The following UNC13A variants were observed in gnomAD, a reference collection of about 807,000 sequenced individuals.
The protein encoded by UNC13A is unc-13 homolog A, also known as protein unc-13 homolog A.
A neutral mutation model predicts 219.7 loss-of-function variants in UNC13A; 61 were observed. That is an observed-to-expected ratio of 0.28 (90% CI 0.23 to 0.34). The LOEUF (loss-of-function observed/expected upper bound fraction) is 0.34. Among genes scored for constraint, UNC13A ranks in the 10% least tolerant of loss-of-function variants. The pLI is 1.00. For synonymous variants in UNC13A, 920 were observed against 884.6 expected (o/e 1.04, Z -0.71); for missense variants, 1,476 against 2,270.3 (o/e 0.65, Z 7.11).
chr19:17,638,183 G>A (rs1290599160), intron 25 of UNC13A, among the ~76,000 whole-genome samples: 1 of 151,790 alleles, frequency 6.6e-6, no homozygotes, highest in Non-Finnish European at 1.5e-5. Context: ...CTCATAATAG[G>A]CTATAAGCTC....
chr19:17,639,802 G>A, intron 23 of UNC13A, 38 bp downstream of exon 23: 1 of 1,609,864 alleles, frequency 6.2e-7, no homozygotes, highest in Non-Finnish European at 8.5e-7. Context: ...ACACACATGT[G>A]CGTGGGGTGA....
At chr19:17,608,285 T>C (rs1389287757) in intron 43 of UNC13A, among the ~76,000 whole-genome samples, 2 of 139,870 alleles carry the variant, frequency 1.4e-5, no homozygotes, top group African/African-American at 2.6e-5. Flanking sequence ...CTTTTATATA[T>C]AATATAATAT....
intron 6 of UNC13A, 119 bp downstream of exon 6, chr19:17,667,994 GAGTT>G (rs1432645620): frequency 2.0e-5 from 20 of 980,570 alleles, no homozygotes; most frequent in South Asian, 3.2e-5. Context: ...AGGTTACAAA[GAGTT>G]AGAAACAGAG....
In UNC13A at chr19:17,676,024, C is replaced by A. The variant is rs139884068; in HGVS notation, c.40G>T (p.Asp14Tyr). 1.3e-4 allele frequency: 200 copies of A among 1,551,546 alleles called. No individual in the cohort carries two copies. In the African/African-American group the frequency reaches 2.4e-3, roughly 19 times the overall value. Reference sequence around the variant, plus strand: ...AGAAGCCACTTACCTTGGGCACCATCAAACTTGGCTTTTTTGACTGTGGAG... The same window carrying A: ...AGAAGCCACTTACCTTGGGCACCATAAAACTTGGCTTTTTTGACTGTGGAG... ...LCVGVKKAKF[D>Y]GAQEKFNTYV... The change falls in exon 2 of 44, where the codon GAT (aspartate) becomes TAT (tyrosine). Residue 14 changes from aspartate (D) to tyrosine (Y), a missense_variant. By Grantham distance (160) the Asp-to-Tyr change is radical. Around this residue, in one of 14 missense-constraint regions of UNC13A, gnomAD observed 203 missense variants for 301.6 expected, o/e 0.67. Transcript: ENST00000519716.
chr19:17,648,395 C>G, intron 16 of UNC13A, 36 bp downstream of exon 16: 1 of 1,489,456 alleles, frequency 6.7e-7, no homozygotes, highest in Non-Finnish European at 8.9e-7. Flanking sequence ...GCTCCCCACG[C>G]CAACCCGTGG....
chr19:17,652,664 CCTT>C lies in UNC13A; in HGVS notation c.1403_1405del (p.Glu468del), dbSNP rs756838005. ...GAACCATAGGGATTTAGACATCTCT[CCTT>C]CTCCCCGGGCCTGCAGGACAGACAG... On this transcript the variant is annotated inframe_deletion, in exon 12 of 44. Transcript: ENST00000519716. The C allele has an allele frequency of 3.7e-6, 6 of 1,613,774 alleles. No homozygotes were observed. The highest frequency in any genetic ancestry group is 1.3e-5 in the African/African-American group (1 of 75,020).
chr19:17,609,794 TC>T, intron 43 of UNC13A, 145 bp downstream of exon 43: 1 of 1,163,948 alleles, frequency 8.6e-7, no homozygotes, highest in Non-Finnish European at 1.2e-6. Flanking sequence ...CTAAGGGGTC[TC>T]CCTTTCCAGC....
intron 36 of UNC13A, 131 bp from the exon 37 acceptor site, chr19:17,622,001 G>T: frequency 2.2e-6 from 2 of 895,782 alleles, no homozygotes; most frequent in South Asian, 1.4e-5. Flanking sequence ...GGGTTGCATG[G>T]GGATAGTGTG....
At chr19:17,687,821 C>T (rs1246206359) in intron 1 of UNC13A, among the ~76,000 whole-genome samples, 1 of 152,130 alleles carries the variant, frequency 6.6e-6, no homozygotes, top group Non-Finnish European at 1.5e-5. Context: ...ATCAAACTAC[C>T]GAGCCCAGAC....
chr19:17,680,889 C>CTTTTCTTTTTTT (rs2079998761), intron 1 of UNC13A, among the ~76,000 whole-genome samples: 1 of 48,696 alleles, frequency 2.1e-5, no homozygotes, highest in Non-Finnish European at 3.7e-5. Context: ...CTTTTCTTTT[C>CTTTTCTTTTTTT]TTTTTTTTTT....
rs2144990023 is a variant in UNC13A at position 17,627,941 on chromosome 19, C to T, written c.3754-1G>A. On this transcript the variant is annotated splice_acceptor_variant, in intron 31 of 43. Transcript: ENST00000519716. LOFTEE classifies it high-confidence loss of function. This position sits in a 1 kb window ranked among gnomAD's most constrained non-coding sequence, Gnocchi z 4.7. The stretch of plus-strand genomic sequence containing the variant: ...GAGTGTTATTCATGAGAATGCAGGG[C>T]TGTGGGTGGGAACAGAGAGGGGAGT... The T allele has an allele frequency of 6.3e-7, 1 of 1,590,204 alleles. No individual in the cohort carries two copies. The highest frequency in any genetic ancestry group is 1.8e-5 in the Admixed American group (1 of 56,058).
intron 41 of UNC13A, chr19:17,614,197 G>A (rs1169739110): frequency 6.6e-6 from 1 of 151,232 alleles, no homozygotes; most frequent in African/African-American, 2.4e-5. Context: ...AGTAGAGATG[G>A]GGTTTCACCA....
chr19:17,636,711 T>G (rs994315645), intron 25 of UNC13A, among the ~76,000 whole-genome samples: 2 of 152,194 alleles, frequency 1.3e-5, no homozygotes, highest in African/African-American at 4.8e-5. Flanking sequence ...TCTACCTATC[T>G]AAACCCAACT....
chr19:17,636,191 G>T (rs1195710818), intron 25 of UNC13A, 34 bp from the exon 26 acceptor site: 1 of 1,551,390 alleles, frequency 6.4e-7, no homozygotes, highest in Non-Finnish European at 8.7e-7. Context: ...GGTTATAGGG[G>T]GTCCAGAGGT....
chr19:17,666,126 C>T (rs2079638562), intron 7 of UNC13A, among the ~76,000 whole-genome samples: 8 of 130,122 alleles, frequency 6.1e-5, no homozygotes, highest in African/African-American at 1.8e-4. Context: ...CTTTTCTTTT[C>T]TTTCTTTTTC....
chr19:17,606,239 G>A lies in UNC13A; in HGVS notation c.4927C>T (p.Leu1643=). 1.3e-6 allele frequency: 2 copies of A among 1,548,602 alleles called. No individual in the cohort carries two copies. Among genetic ancestry groups the A allele is most frequent in the South Asian group, 1.2e-5 (1 of 84,146 alleles). The change falls in exon 44 of 44, where the codon CTG becomes TTG. Residue 1643 remains leucine (L), a synonymous_variant. Coordinates refer to ENST00000519716, the MANE Select transcript of UNC13A (RefSeq NM_001080421.3). ...VGLAVLQLRE[L]AQRGSAACWL... ...CAGGCGGCGCTCCCGCGCTGGGCCA[G>A]CTCACGCAGCTGCAGCACGGCCAGC...
At chr19:17,657,694 C>T (rs531926948) in intron 9 of UNC13A, among the ~76,000 whole-genome samples, 3 of 152,080 alleles carry the variant, frequency 2.0e-5, no homozygotes, top group African/African-American at 7.2e-5. Context: ...AGCAAGACCC[C>T]CATCTCCACA....
chr19:17,610,496 C>T (rs115149162), intron 42 of UNC13A, among the ~76,000 whole-genome samples: 225 of 152,214 alleles, frequency 1.5e-3, no homozygotes, highest in African/African-American at 5.4e-3. Context: ...CACCCCACCC[C>T]TCGCCCGCCG....
intron 37 of UNC13A, among the ~76,000 whole-genome samples, chr19:17,621,257 A>AGGGTGCCT (rs2144965341): frequency 6.6e-6 from 1 of 152,218 alleles, no homozygotes; most frequent in African/African-American, 2.4e-5. Flanking sequence ...ATCCACATAT[A>AGGGTGCCT]GGGTGCCTGG....
Sources: gnomAD v4.1 joint callset for allele counts (sites outside exome capture counted in the v4.1 genomes callset) on GRCh38, gnomAD v4.1.1 for gene constraint, gnomAD v4.1.1 regional missense constraint, Gnocchi (gnomAD v3.1) non-coding constraint, MANE v1.5 for transcripts, NCBI Gene and HGNC (gene_info 2026-07-23, HGNC 2026-07-21) for gene names.